The following BZW2 variants were observed in gnomAD, a reference collection of about 807,000 sequenced individuals.
BZW2 encodes eIF5-mimic protein 1.
In BZW2, 23 loss-of-function variants were observed where a neutral mutation model predicts 53.2. That is an observed-to-expected ratio of 0.43 (90% CI 0.31 to 0.61). The LOEUF (loss-of-function observed/expected upper bound fraction) is 0.61. Ranked by LOEUF, BZW2 falls within the 20% of genes least tolerant of loss-of-function variation. The probability of loss-of-function intolerance (pLI) is 0.09; values close to 1 mark genes in which losing one functional copy is unlikely to be tolerated. For missense variants in BZW2, 409 were observed against 503.1 expected (o/e 0.81, Z 1.79); for synonymous variants, 227 against 186.4 (o/e 1.22, Z -1.77).
intron 1 of BZW2, among the ~76,000 whole-genome samples, chr7:16,655,832 T>C (rs562686277): frequency 6.6e-6 from 1 of 152,280 alleles, no homozygotes; most frequent in East Asian, 1.9e-4. Context: ...AAAATACATA[T>C]GGCTTCCTGT....
rs1335536165 is a variant in BZW2, at chr7:16,681,353, C to T, written c.288C>T (p.His96=). ...DDGDKTKMTN[H]CVFSANEDHE... ...GTGACAAGACCAAGATGACCAACCA[C>T]TGTGTGTTTTCAGCAAATGAAGATC... The change falls in exon 4 of 12, where the codon CAC becomes CAT. Residue 96 remains histidine (H), a synonymous_variant. Coordinates refer to ENST00000258761, the MANE Select transcript of BZW2 (RefSeq NM_014038.3). 1 of 1,614,112 alleles carries T rather than the reference C, an allele frequency of 6.2e-7. No homozygotes were observed. Among genetic ancestry groups the T allele is most frequent in the Non-Finnish European group, 8.5e-7 (1 of 1,179,992 alleles).
chr7:16,704,298 T>C (rs1254022631), intron 10 of BZW2, among the ~76,000 whole-genome samples: 2 of 152,182 alleles, frequency 1.3e-5, no homozygotes, highest in Non-Finnish European at 2.9e-5. Flanking sequence ...GTCCTAGTAG[T>C]GAGCTATAGG....
At chr7:16,668,948 A>G (rs1198257242) in intron 2 of BZW2, among the ~76,000 whole-genome samples, 2 of 152,206 alleles carry the variant, frequency 1.3e-5, no homozygotes, top group African/African-American at 4.8e-5. Flanking sequence ...CCCATGAGCA[A>G]TTGGATTATG....
rs956554234 is a variant in BZW2, at chr7:16,688,977, G to A, written c.542-820G>A. 2.0e-5 allele frequency among the ~76,000 whole-genome samples: 3 copies of A among 152,146 alleles called. No individual in the cohort carries two copies. In the East Asian group the frequency reaches 5.8e-4, roughly 29 times the overall value. On this transcript the variant is annotated intron_variant, in intron 6 of 11. Coordinates refer to ENST00000258761, the MANE Select transcript of BZW2 (RefSeq NM_014038.3). ...GCAATGGCTCATGCCTGCAATCCCA[G>A]CAATTTGGGAGGCCAAGGCAGGTGG... is the stretch of plus-strand genomic sequence containing the variant.
intron 6 of BZW2, chr7:16,687,239 T>C (rs1036617689): frequency 6.6e-6 from 1 of 152,188 alleles, no homozygotes; most frequent in African/African-American, 2.4e-5. Flanking sequence ...TGAATGTTCA[T>C]TGTTCAATTT....
intron 7 of BZW2, among the ~76,000 whole-genome samples, chr7:16,694,415 T>G (rs1783415077): frequency 6.6e-6 from 1 of 152,116 alleles, no homozygotes; most frequent in African/African-American, 2.4e-5. Context: ...CCAGGAAGGC[T>G]CAGAGTATCA....
Position 16,695,022 on chromosome 7 carries a change from G to T in BZW2, c.822+18G>T, listed in dbSNP as rs368094430. 136 of 1,556,606 alleles carry T rather than the reference G, an allele frequency of 8.7e-5. No individual in the cohort carries two copies. Among genetic ancestry groups the T allele is most frequent in the Non-Finnish European group, 1.1e-4 (127 of 1,138,746 alleles). On this transcript the variant is annotated intron_variant, in intron 8 of 11. Transcript: ENST00000258761. ...TCAAGGAGGTGGGAGACCACGGGCAGACATCACCTCAATACACATGAATGA... is the reference window on the plus strand; with the variant it reads ...TCAAGGAGGTGGGAGACCACGGGCATACATCACCTCAATACACATGAATGA...
At chr7:16,658,629 C>G (rs929540608) in intron 1 of BZW2, among the ~76,000 whole-genome samples, 2 of 152,018 alleles carry the variant, frequency 1.3e-5, no homozygotes, top group African/African-American at 4.8e-5. Flanking sequence ...GTAATCCCAG[C>G]ACTTTGGGAG....
chr7:16,691,373 G>A (rs1302896459), intron 7 of BZW2, among the ~76,000 whole-genome samples: 1 of 152,226 alleles, frequency 6.6e-6, no homozygotes, highest in Non-Finnish European at 1.5e-5. Flanking sequence ...GAGGAAGGTG[G>A]AGGTTCATAT....
intron 1 of BZW2, among the ~76,000 whole-genome samples, chr7:16,662,760 TAGAG>T (rs1782303920): frequency 6.7e-6 from 1 of 148,868 alleles, no homozygotes; most frequent in Non-Finnish European, 1.5e-5. Context: ...TCTAAGGAGG[TAGAG>T]AGAGAGAAAA....
At chr7:16,702,606 T>C (rs78383859) in intron 10 of BZW2, among the ~76,000 whole-genome samples, 5,009 of 152,262 alleles carry the variant, frequency 0.033, 266 homozygotes, top group African/African-American at 0.11. Context: ...AGTAGTTGCA[T>C]GGTCTCCTTC....
intron 7 of BZW2, among the ~76,000 whole-genome samples, chr7:16,694,293 G>A (rs1049701542): frequency 2.6e-5 from 4 of 152,114 alleles, no homozygotes; most frequent in Admixed American, 2.6e-4. Context: ...CCTGAAACTG[G>A]GTTATTTATA....
intron 11 of BZW2, among the ~76,000 whole-genome samples, chr7:16,705,474 G>A (rs147367723): frequency 3.9e-4 from 59 of 151,926 alleles, no homozygotes; most frequent in African/African-American, 1.3e-3. Flanking sequence ...TCATGAGGTC[G>A]GGAGATCGAG....
At chr7:16,676,285 A>C (rs1364280201) in intron 3 of BZW2, among the ~76,000 whole-genome samples, 1 of 152,174 alleles carries the variant, frequency 6.6e-6, no homozygotes, top group African/African-American at 2.4e-5. Flanking sequence ...ACGGTGGCTC[A>C]CACCTGTAAT....
At chr7:16,661,568 T>G (rs1782262009) in intron 1 of BZW2, among the ~76,000 whole-genome samples, 1 of 152,162 alleles carries the variant, frequency 6.6e-6, no homozygotes, top group African/African-American at 2.4e-5. Context: ...AATTTACACT[T>G]AAAATAGGAA....
intron 4 of BZW2, among the ~76,000 whole-genome samples, chr7:16,682,336 C>T (rs1376308479): frequency 6.6e-6 from 1 of 152,146 alleles, no homozygotes; most frequent in African/African-American, 2.4e-5. Context: ...CCTTTATTGC[C>T]AGTAAATTAT....
chr7:16,682,831 G>T lies in BZW2; in HGVS notation c.391G>T (p.Asp131Tyr). 1 of 1,574,698 alleles carries T rather than the reference G, an allele frequency of 6.4e-7. No homozygotes were observed. The highest frequency in any genetic ancestry group is 8.7e-7 in the Non-Finnish European group (1 of 1,152,048). The change falls in exon 5 of 12, where the codon GAT becomes TAT. Residue 131 changes from aspartate (D) to tyrosine (Y), a missense_variant. Around this residue, in one of 3 missense-constraint regions of BZW2, gnomAD observed 316 missense variants for 366.8 expected, o/e 0.86. Transcript: ENST00000258761. ...TAAGTATTTGGAGAAGGCATTTGAA[G>T]ATGAAATGAAAAAGGTAAAAATTCA... The part of the protein sequence containing the change: ...RYKYLEKAFE[D>Y]EMKKLLLFLK...
chr7:16,658,825 A>C (rs1362413659), intron 1 of BZW2, among the ~76,000 whole-genome samples: 2 of 151,860 alleles, frequency 1.3e-5, no homozygotes, highest in Non-Finnish European at 2.9e-5. Context: ...TAGTGAGCCA[A>C]GATCGCACCA....
At chr7:16,691,730 A>G (rs1290249545) in intron 7 of BZW2, among the ~76,000 whole-genome samples, 2 of 152,248 alleles carry the variant, frequency 1.3e-5, no homozygotes, top group Non-Finnish European at 2.9e-5. Flanking sequence ...TTGGGAACAA[A>G]GATACAATCT....
Sources: gnomAD v4.1 joint callset for allele counts (sites outside exome capture counted in the v4.1 genomes callset) on GRCh38, gnomAD v4.1.1 for gene constraint, gnomAD v4.1.1 regional missense constraint, MANE v1.5 for transcripts, NCBI Gene and HGNC (gene_info 2026-07-23, HGNC 2026-07-21) for gene names.